GPC3: variants seen among roughly 807,000 people sequenced by gnomAD.
GPC3 encodes glypican 3, also known as glypican-3.
In GPC3, 3 loss-of-function variants were observed where a neutral mutation model predicts 34.4. That is an observed-to-expected ratio of 0.09 (90% CI 0.04 to 0.23). GPC3 has a LOEUF of 0.23. GPC3 is among the 10% of genes least tolerant of loss of function. The pLI is 1.00. For missense variants in GPC3, 351 were observed against 445.6 expected (o/e 0.79, Z 1.91); for synonymous variants, 177 against 174.0 (o/e 1.02, Z -0.13).
intron 6 of GPC3, among the ~76,000 whole-genome samples, chrX:133,618,179 C>G (rs2070187599): frequency 9.0e-6 from 1 of 111,393 alleles, no homozygotes; most frequent in Non-Finnish European, 1.9e-5. Flanking sequence ...GGCACTTGTC[C>G]AAATATTACC....
Position 133,537,051 on chromosome X carries a change from G to T in GPC3, c.1574-758C>A, listed in dbSNP as rs187235284. Among the ~76,000 whole-genome samples, 248 of 111,727 alleles carry T rather than the reference G, an allele frequency of 2.2e-3. 1 individual carries two copies. The highest frequency in any genetic ancestry group is 7.9e-3 in the African/African-American group (243 of 30,752). ...TGACTGCCTAGCATTTATGATATAT[G>T]TTCATGATTCTGAAAAGAAATCAGG... On this transcript the variant is annotated intron_variant, in intron 7 of 7. Coordinates refer to ENST00000370818, the MANE Select transcript of GPC3 (RefSeq NM_004484.4).
At chrX:133,926,800 G>A (rs1305211334) in intron 2 of GPC3, among the ~76,000 whole-genome samples, 2 of 44,711 alleles carry the variant, frequency 4.5e-5, no homozygotes, top group South Asian at 1.7e-3. Context: ...CCCTGCCACC[G>A]CCCCGGCAAA....
chrX:133,704,437 C>A (rs2071196846), intron 3 of GPC3, among the ~76,000 whole-genome samples: 1 of 106,361 alleles, frequency 9.4e-6, no homozygotes, highest in Admixed American at 1.1e-4. Flanking sequence ...TTACGTCACA[C>A]GAGATCCTTT....
intron 7 of GPC3, among the ~76,000 whole-genome samples, chrX:133,580,709 G>A (rs1272736802): frequency 8.9e-6 from 1 of 112,287 alleles, no homozygotes; most frequent in Non-Finnish European, 1.9e-5. Flanking sequence ...GACATCTGCA[G>A]AAGCAGAGCA....
At chrX:133,741,281 C>T (rs1482163471) in intron 3 of GPC3, among the ~76,000 whole-genome samples, 54 of 49,582 alleles carry the variant, frequency 1.1e-3, no homozygotes, top group Non-Finnish European at 1.6e-3. Context: ...TTGTTTAAGC[C>T]AAAAAAAAAA....
chrX:133,701,390 T>C (rs1229545163), intron 3 of GPC3, among the ~76,000 whole-genome samples: 1 of 112,074 alleles, frequency 8.9e-6, no homozygotes, highest in Admixed American at 9.5e-5. Flanking sequence ...CTCACTTGTC[T>C]GACTTAGAAC....
At chrX:133,921,059 C>T (rs1168119307) in intron 2 of GPC3, among the ~76,000 whole-genome samples, 5 of 112,227 alleles carry the variant, frequency 4.5e-5, no homozygotes, top group African/African-American at 1.6e-4. Context: ...TCACTCAAGA[C>T]TCATAAAATG....
intron 7 of GPC3, among the ~76,000 whole-genome samples, chrX:133,565,193 C>A (rs2069572249): frequency 8.9e-6 from 1 of 111,772 alleles, no homozygotes; most frequent in African/African-American, 3.3e-5. Flanking sequence ...GAAACTGTTG[C>A]ATCTTTAATA....
intron 2 of GPC3, among the ~76,000 whole-genome samples, chrX:133,831,860 T>C (rs2075776874): frequency 8.9e-6 from 1 of 112,807 alleles, no homozygotes; most frequent in South Asian, 3.6e-4. Flanking sequence ...TCACTAGCCA[T>C]TAGGGGAGTA....
At chrX:133,762,665 T>C in intron 2 of GPC3, 1 of 302,872 alleles carries the variant, frequency 3.3e-6, no homozygotes, top group South Asian at 4.9e-5. Context: ...TTCGATGAGA[T>C]ACCATCTCAC....
chrX:133,891,952 G>A (rs769381935), intron 2 of GPC3, among the ~76,000 whole-genome samples: 27 of 110,807 alleles, frequency 2.4e-4, no homozygotes, highest in African/African-American at 8.8e-4. Flanking sequence ...TGAAGATTAG[G>A]TACTTTAGAT....
chrX:133,829,515 C>T (rs73567055), intron 2 of GPC3, among the ~76,000 whole-genome samples: 9,417 of 111,477 alleles, frequency 0.084, 674 homozygotes, highest in African/African-American at 0.23. Flanking sequence ...GCAGAACACA[C>T]ATTCTCAAGT....
chrX:133,595,307 G>A (rs904315747), intron 7 of GPC3, among the ~76,000 whole-genome samples: 2 of 110,973 alleles, frequency 1.8e-5, no homozygotes, highest in Non-Finnish European at 3.8e-5. Context: ...GGCAGTGGAA[G>A]TCTCAAGACC....
At chrX:133,941,286 T>C (rs755040740) in intron 2 of GPC3, among the ~76,000 whole-genome samples, 17 of 112,710 alleles carry the variant, frequency 1.5e-4, no homozygotes, top group African/African-American at 4.5e-4. Flanking sequence ...AGGCAGAGCC[T>C]GGTGGCAGGC....
chrX:133,760,784 T>C (rs188787732), intron 2 of GPC3, among the ~76,000 whole-genome samples: 1 of 111,422 alleles, frequency 9.0e-6, no homozygotes, highest in African/African-American at 3.3e-5. Context: ...TGGGCTTTGG[T>C]TAATAATAAT....
At chrX:133,897,491 T>C (rs1212550120) in intron 2 of GPC3, among the ~76,000 whole-genome samples, 2 of 110,009 alleles carry the variant, frequency 1.8e-5, no homozygotes, top group Non-Finnish European at 3.8e-5. Context: ...GAATAAAAGA[T>C]CCAACTTCAA....
intron 3 of GPC3, among the ~76,000 whole-genome samples, chrX:133,715,606 G>A (rs1755173051): frequency 1.0e-5 from 1 of 99,266 alleles, no homozygotes; most frequent in Non-Finnish European, 2.0e-5. Flanking sequence ...CTGATATTGA[G>A]CTCACCTGTG....
chrX:133,594,595 C>T (rs748910915), intron 7 of GPC3, among the ~76,000 whole-genome samples: 13 of 111,130 alleles, frequency 1.2e-4, no homozygotes, highest in Non-Finnish European at 1.9e-4. Flanking sequence ...GAAAATTATG[C>T]TAAGTGAAAT....
At chrX:133,582,436 A>G in intron 7 of GPC3, among the ~76,000 whole-genome samples, 1 of 111,445 alleles carries the variant, frequency 9.0e-6, no homozygotes, top group Non-Finnish European at 1.9e-5. Flanking sequence ...GAGGAATACA[A>G]GGCAGAGACA....
Sources: allele counts gnomAD v4.1 joint callset (sites outside exome capture counted in the v4.1 genomes callset), GRCh38; gene constraint gnomAD v4.1.1; transcripts MANE v1.5; gene names NCBI Gene and HGNC (gene_info 2026-07-23, HGNC 2026-07-21).